Variants in DCAF6 observed in about 807,000 individuals in gnomAD.
The protein encoded by DCAF6 is DDB1- and CUL4-associated factor 6.
DCAF6 carries 54 observed loss-of-function variants against 125.1 expected under a neutral mutation model. The observed-to-expected ratio is 0.43, with a 90% CI of 0.35 to 0.54. The LOEUF is 0.54. Among genes scored for constraint, DCAF6 ranks in the 20% least tolerant of loss-of-function variants. DCAF6 has a pLI of 0.01. For synonymous variants in DCAF6, 371 were observed against 390.4 expected (o/e 0.95, Z 0.58); for missense variants, 934 against 1,161.7 (o/e 0.80, Z 2.85).
chr1:168,054,408 T>G (rs1278164625), intron 17 of DCAF6, among the ~76,000 whole-genome samples: 1 of 152,146 alleles, frequency 6.6e-6, no homozygotes, highest in Non-Finnish European at 1.5e-5. Flanking sequence ...CCTATTAATC[T>G]ATAAGTGAAT....
chr1:167,929,219 G>C, the DCAF6 span, among the ~76,000 whole-genome samples: 1 of 152,080 alleles, frequency 6.6e-6, no homozygotes, highest in Non-Finnish European at 1.5e-5. Context: ...TTAGCCGGGC[G>C]TGGTGGTGCA....
At chr1:168,062,881 G>A (rs1691779069) in intron 17 of DCAF6, among the ~76,000 whole-genome samples, 1 of 151,242 alleles carries the variant, frequency 6.6e-6, no homozygotes, top group African/African-American at 2.4e-5. Flanking sequence ...GCTATTTGAA[G>A]GCCCTTGTTT....
Position 168,004,699 on chromosome 1 carries a change from A to G in DCAF6, c.1284A>G (p.Thr428=), listed in dbSNP as rs759803247. 9 of 1,614,054 alleles carry G rather than the reference A, an allele frequency of 5.6e-6. No individual in the cohort carries two copies. Among genetic ancestry groups the G allele is most frequent in the Non-Finnish European group, 7.6e-6 (9 of 1,179,922 alleles). The change falls in exon 10 of 22, where the codon ACA becomes ACG. Residue 428 remains threonine (T), a synonymous_variant. Coordinates refer to ENST00000367840, the MANE Select transcript of DCAF6 (RefSeq NM_001198956.2). The part of the protein sequence containing the change: ...SAQAHSTSSP[T]ESPHSTPLLS... Reference sequence around the variant, plus strand: ...AGGCTCATTCGACATCATCTCCCACAGAAAGCCCTCATTCTACTCCTTTGC... The same window carrying G: ...AGGCTCATTCGACATCATCTCCCACGGAAAGCCCTCATTCTACTCCTTTGC...
At position 167,966,623 on chromosome 1, in the gene DCAF6, C is replaced by T. The variant is rs1296407541; in HGVS notation, c.160-6C>T. Reference sequence around the variant, plus strand: ...TGCTTATATTTCTTTTTTGCTTTCTCTTTAGGTTAATACAATCTGTTGGAA... The same window carrying T: ...TGCTTATATTTCTTTTTTGCTTTCTTTTTAGGTTAATACAATCTGTTGGAA... On this transcript the variant is annotated splice_region_variant and splice_polypyrimidine_tract_variant and intron_variant, in intron 2 of 21. Coordinates refer to ENST00000367840, the MANE Select transcript of DCAF6 (RefSeq NM_001198956.2). 6 of 1,564,736 alleles carry T rather than the reference C, an allele frequency of 3.8e-6. 1 individual carries two copies. The South Asian group carries it at 6.9e-5, about 18-fold the overall frequency.
intron 10 of DCAF6, among the ~76,000 whole-genome samples, chr1:168,012,496 T>G (rs1044245529): frequency 6.6e-6 from 1 of 152,232 alleles, no homozygotes; most frequent in African/African-American, 2.4e-5. Context: ...ATTTTCAGTT[T>G]GGGTCATGTT....
At chr1:168,017,135 T>A (rs1266638548) in intron 11 of DCAF6, among the ~76,000 whole-genome samples, 1 of 151,902 alleles carries the variant, frequency 6.6e-6, no homozygotes. Context: ...ATTTTTTTTT[T>A]TCCTATGGGG....
intron 4 of DCAF6, among the ~76,000 whole-genome samples, chr1:167,984,183 T>C (rs1358572326): frequency 1.3e-5 from 2 of 152,214 alleles, no homozygotes; most frequent in Non-Finnish European, 2.9e-5. Flanking sequence ...TTTGAAATTT[T>C]GTAGTGTTGT....
chr1:167,999,720 T>C (rs1682310360), intron 7 of DCAF6, among the ~76,000 whole-genome samples: 1 of 152,182 alleles, frequency 6.6e-6, no homozygotes, highest in African/African-American at 2.4e-5. Flanking sequence ...ACAGTTTTCA[T>C]AGCTTTAAAG....
At chr1:168,031,295 A>C (rs950231999) in intron 12 of DCAF6, among the ~76,000 whole-genome samples, 6 of 152,230 alleles carry the variant, frequency 3.9e-5, no homozygotes. Flanking sequence ...GATTGAGAAG[A>C]AGCAACTAGA....
chr1:168,061,486 A>G (rs548138406), intron 17 of DCAF6, among the ~76,000 whole-genome samples: 12 of 152,216 alleles, frequency 7.9e-5, no homozygotes, highest in African/African-American at 2.6e-4. Flanking sequence ...TGTGTTTTAG[A>G]TTAAGCAGTA....
intron 5 of DCAF6, among the ~76,000 whole-genome samples, chr1:167,988,369 G>A (rs1680324224): frequency 6.6e-6 from 1 of 151,898 alleles, no homozygotes; most frequent in African/African-American, 2.4e-5. Context: ...TTGCCATATT[G>A]CCTAGGCTGG....
intron 12 of DCAF6, among the ~76,000 whole-genome samples, chr1:168,037,327 C>A (rs901129664): frequency 1.3e-5 from 2 of 151,932 alleles, no homozygotes; most frequent in Non-Finnish European, 2.9e-5. Flanking sequence ...TTGTGATTGT[C>A]TTTGTTATTT....
the DCAF6 span, chr1:167,917,595 C>G: frequency 9.5e-6 from 1 of 105,606 alleles, no homozygotes; most frequent in South Asian, 2.9e-4. Flanking sequence ...GAGACCCTGT[C>G]TCAAAAAAAA....
intron 11 of DCAF6, among the ~76,000 whole-genome samples, chr1:168,017,027 A>G (rs1685065101): frequency 6.6e-6 from 1 of 152,048 alleles, no homozygotes; most frequent in Non-Finnish European, 1.5e-5. Flanking sequence ...AATAAATTTA[A>G]GTCATTGTAA....
At chr1:167,943,708 G>A (rs917169730) in intron 1 of DCAF6, among the ~76,000 whole-genome samples, 5 of 152,064 alleles carry the variant, frequency 3.3e-5, no homozygotes, top group African/African-American at 1.2e-4. Context: ...ATTCCACTCT[G>A]CATCTGTGTG....
chr1:167,880,240 G>A, the DCAF6 span: 6 of 1,506,600 alleles, frequency 4.0e-6, no homozygotes, highest in East Asian at 1.4e-4. Context: ...AAGATAATGA[G>A]CGTAGAGAAA....
chr1:168,010,552 G>T (rs562044842), intron 10 of DCAF6, among the ~76,000 whole-genome samples: 1 of 151,706 alleles, frequency 6.6e-6, no homozygotes, highest in Non-Finnish European at 1.5e-5. Flanking sequence ...TTGAAACCAC[G>T]TTCTATATAC....
chr1:167,868,989 C>G, the DCAF6 span, among the ~76,000 whole-genome samples: 1 of 152,208 alleles, frequency 6.6e-6, no homozygotes, highest in African/African-American at 2.4e-5. Context: ...TCGACTACTT[C>G]TAGCAGCTGA....
chr1:167,918,925 T>C, the DCAF6 span, among the ~76,000 whole-genome samples: 5 of 152,102 alleles, frequency 3.3e-5, no homozygotes, highest in African/African-American at 9.7e-5. Flanking sequence ...AGCTGACATA[T>C]AGTTTCCTGT....
Sources: gnomAD v4.1 joint callset for allele counts (sites outside exome capture counted in the v4.1 genomes callset) on GRCh38, gnomAD v4.1.1 for gene constraint, MANE v1.5 for transcripts, NCBI Gene and HGNC (gene_info 2026-07-23, HGNC 2026-07-21) for gene names.